DCDC2: variants seen among roughly 807,000 people sequenced by gnomAD.
The protein encoded by DCDC2 is doublecortin domain containing 2, also known as doublecortin domain-containing protein 2.
In DCDC2, 40 loss-of-function variants were observed where a neutral mutation model predicts 50.2. The ratio of observed to expected loss-of-function variants is 0.80; its 90% CI spans 0.62 to 1.04. DCDC2 has a LOEUF of 1.04. DCDC2 is among the 50% of genes least tolerant of loss of function. The pLI is 0.00. For missense variants in DCDC2, 570 were observed against 581.9 expected (o/e 0.98, Z 0.21); for synonymous variants, 234 against 210.6 (o/e 1.11, Z -0.96).
At position 24,346,612 on chromosome 6, in the gene DCDC2, G is replaced by A. The variant is rs143862308; in HGVS notation, c.348+6957C>T. 4.2e-3 allele frequency among the ~76,000 whole-genome samples: 637 copies of A among 152,196 alleles called. 5 individuals are homozygous for A. Among genetic ancestry groups the A allele is most frequent in the Non-Finnish European group, 6.3e-3 (429 of 68,022 alleles). On this transcript the variant is annotated intron_variant, in intron 2 of 9. Coordinates refer to ENST00000378454, the MANE Select transcript of DCDC2 (RefSeq NM_016356.5). Reference sequence around the variant, plus strand: ...CTCTACTAAATATATAAATTTAGCCGGGTGTAGTGGCAGGTGTCTGTAGTC... The same window carrying A: ...CTCTACTAAATATATAAATTTAGCCAGGTGTAGTGGCAGGTGTCTGTAGTC...
intron 1 of DCDC2, 94 bp from the exon 2 acceptor site, chr6:24,353,717 T>C: frequency 2.7e-6 from 2 of 752,160 alleles, no homozygotes; most frequent in Non-Finnish European, 4.0e-6. Flanking sequence ...AAGCAACTCA[T>C]AGGAAATTCT....
intron 8 of DCDC2, among the ~76,000 whole-genome samples, chr6:24,198,649 T>A (rs1761504587): frequency 6.6e-6 from 1 of 151,324 alleles, no homozygotes; most frequent in Non-Finnish European, 1.5e-5. Flanking sequence ...GGAATGCCAG[T>A]GAGAATGAAC....
At chr6:24,362,847 G>A (rs904440279), upstream of DCDC2, among the ~76,000 whole-genome samples, 1 of 152,132 alleles carries the variant, frequency 6.6e-6, no homozygotes, top group Non-Finnish European at 1.5e-5. Context: ...TGTGGCAGAG[G>A]AACAACAAAA....
chr6:24,228,317 G>C (rs1029886079), intron 7 of DCDC2, among the ~76,000 whole-genome samples: 1 of 152,194 alleles, frequency 6.6e-6, no homozygotes, highest in African/African-American at 2.4e-5. Context: ...TTAAATGAAG[G>C]CACTGTTTAC....
chr6:24,223,052 A>G (rs1161336003), intron 7 of DCDC2, among the ~76,000 whole-genome samples: 2 of 152,256 alleles, frequency 1.3e-5, no homozygotes, highest in Non-Finnish European at 2.9e-5. Context: ...AAATGAATTT[A>G]GCACACAATA....
Position 24,178,367 on chromosome 6 carries a change from T to C in DCDC2, c.1289A>G (p.Glu430Gly), listed in dbSNP as rs1161113374. The change falls in exon 9 of 10, where the codon GAA (glutamate) becomes GGA (glycine). Residue 430 changes from glutamate (E) to glycine (G), a missense_variant. By Grantham distance (98) the Glu-to-Gly change is moderately conservative. Transcript: ENST00000378454. ...NNELQLVLDK[E>G]RKSQGAGSGQ... ...ACTGCCAGCTCCTTGAGACTTTCTTTCCTTGTCTAGGACCAGTTGAAGCTC... is the reference window on the plus strand; with the variant it reads ...ACTGCCAGCTCCTTGAGACTTTCTTCCCTTGTCTAGGACCAGTTGAAGCTC... 1 of 1,614,048 alleles carries C rather than the reference T, an allele frequency of 6.2e-7. No individual in the cohort carries two copies. The highest frequency in any genetic ancestry group is 1.6e-4 in the Middle Eastern group (1 of 6,062).
intron 2 of DCDC2, among the ~76,000 whole-genome samples, chr6:24,310,428 C>G (rs1483871789): frequency 6.6e-6 from 1 of 152,190 alleles, no homozygotes; most frequent in Non-Finnish European, 1.5e-5. Flanking sequence ...TATGTTGTCT[C>G]TGAACCCCAT....
In DCDC2 at chr6:24,173,181, T is replaced by C. The variant is rs972359280; in HGVS notation, c.*1549A>G. ...TTTCTAATTCATGCTCCCAGATCAC[T>C]ATATCCTTGTGTCATTATCTCTTCC... is the stretch of plus-strand genomic sequence containing the variant. On this transcript the variant is annotated 3_prime_UTR_variant, in exon 10 of 10. Transcript: ENST00000378454. 1 of 152,004 alleles carries C rather than the reference T, an allele frequency of 6.6e-6. No individual in the cohort carries two copies. The highest frequency in any genetic ancestry group is 2.4e-5 in the African/African-American group (1 of 41,438). The allele number at this position is 152,004 out of a possible 1,614,324, so 9.4% of individuals were successfully genotyped here.
At chr6:24,338,589 A>C (rs1225208540) in intron 2 of DCDC2, among the ~76,000 whole-genome samples, 1 of 152,228 alleles carries the variant, frequency 6.6e-6, no homozygotes, top group Non-Finnish European at 1.5e-5. Flanking sequence ...TTGCTGTAGC[A>C]ATAAGAGTCA....
chr6:24,176,692 T>C (rs1760922593), intron 9 of DCDC2, among the ~76,000 whole-genome samples: 2 of 152,208 alleles, frequency 1.3e-5, no homozygotes, highest in Admixed American at 6.5e-5. Flanking sequence ...TTAGACACCT[T>C]ACTGTACAAT....
intron 2 of DCDC2, among the ~76,000 whole-genome samples, chr6:24,327,383 G>A (rs1759888295): frequency 6.7e-6 from 1 of 149,400 alleles, no homozygotes. Context: ...AGCATGTAAT[G>A]TGTCTGCATT....
chr6:24,258,093 G>A (rs888685656), intron 7 of DCDC2, among the ~76,000 whole-genome samples: 1 of 152,146 alleles, frequency 6.6e-6, no homozygotes, highest in African/African-American at 2.4e-5. Context: ...TCCTTCGGGT[G>A]GGTTCGTGGT....
intron 4 of DCDC2, among the ~76,000 whole-genome samples, chr6:24,301,138 A>G (rs374991208): frequency 5.9e-5 from 9 of 151,934 alleles, no homozygotes; most frequent in Admixed American, 2.0e-4. Context: ...TTGGGAGGCC[A>G]AGGCGGGCGG....
At chr6:24,188,462 C>T (rs1457454006) in intron 8 of DCDC2, among the ~76,000 whole-genome samples, 1 of 152,170 alleles carries the variant, frequency 6.6e-6, no homozygotes, top group Admixed American at 6.5e-5. Context: ...ATTCTAATTA[C>T]ATCACCATGC....
chr6:24,303,033 CTA>C (rs766483802), intron 2 of DCDC2, among the ~76,000 whole-genome samples: 25 of 152,010 alleles, frequency 1.6e-4, no homozygotes, highest in Non-Finnish European at 3.2e-4. Flanking sequence ...TCAGAAGGAA[CTA>C]TATGCCTTTA....
At chr6:24,197,375 G>A (rs981627514) in intron 8 of DCDC2, among the ~76,000 whole-genome samples, 4 of 152,122 alleles carry the variant, frequency 2.6e-5, no homozygotes, top group Non-Finnish European at 4.4e-5. Flanking sequence ...TTGCTAATAA[G>A]GCTATGATTT....
intron 8 of DCDC2, among the ~76,000 whole-genome samples, chr6:24,179,044 T>TAA (rs562785761): frequency 6.8e-6 from 1 of 146,356 alleles, no homozygotes; most frequent in Non-Finnish European, 1.5e-5. Flanking sequence ...GGAAGAGGTT[T>TAA]AAAAAAAAAA....
chr6:24,245,655 T>G (rs1234557268), intron 7 of DCDC2, among the ~76,000 whole-genome samples: 5 of 152,236 alleles, frequency 3.3e-5, no homozygotes, highest in Non-Finnish European at 7.3e-5. Context: ...AACAAGACTT[T>G]CAGTTGAAGA....
intron 7 of DCDC2, among the ~76,000 whole-genome samples, chr6:24,267,446 G>C (rs144520172): frequency 1.7e-3 from 261 of 152,182 alleles, no homozygotes; most frequent in East Asian, 0.014. Flanking sequence ...ATGTGCCCAT[G>C]AAAATTAAAA....
Sources: allele counts gnomAD v4.1 joint callset (sites outside exome capture counted in the v4.1 genomes callset), GRCh38; gene constraint gnomAD v4.1.1; transcripts MANE v1.5; gene names NCBI Gene and HGNC (gene_info 2026-07-23, HGNC 2026-07-21).